The following CXorf38 variants were observed in gnomAD, a reference collection of about 807,000 sequenced individuals.
The protein encoded by CXorf38 is uncharacterized protein CXorf38.
CXorf38 carries 13 observed loss-of-function variants against 27.5 expected under a neutral mutation model. The observed-to-expected ratio is 0.47, with a 90% CI of 0.31 to 0.75. CXorf38 has a LOEUF of 0.75. Ranked by LOEUF, CXorf38 falls within the 30% of genes least tolerant of loss-of-function variation. The pLI, the probability that CXorf38 is intolerant of heterozygous loss-of-function variation, is 0.05. For missense variants in CXorf38, 240 were observed against 253.2 expected, an observed-to-expected ratio of 0.95 and a Z score of 0.35; for synonymous variants, 100 against 99.8, an observed-to-expected ratio of 1.00 and a Z score of -0.01.
chrX:40,636,890 C>G lies in CXorf38; in HGVS notation c.621+117G>C, dbSNP rs1928093540. On this transcript the variant is annotated intron_variant, in intron 4 of 6. Transcript: ENST00000327877. ...AGATTTCATATTGGCATTCTTTCCC[C>G]TGCTTACATTCTAACACTTAGGTTA... The G allele has an allele frequency of 1.0e-5, 9 of 860,292 alleles. No individual in the cohort carries two copies. In the East Asian group the frequency reaches 2.9e-4, roughly 27 times the overall value. 70.9% of individuals were successfully genotyped at this position (860,292 alleles called of 1,213,427 possible). A position where few individuals can be genotyped will look rare whatever the true frequency, so the allele number is the denominator to read the frequency against.
At chrX:40,637,653 T>C (rs1188298613) in intron 3 of CXorf38, among the ~76,000 whole-genome samples, 2 of 112,334 alleles carry the variant, frequency 1.8e-5, no homozygotes, top group Non-Finnish European at 3.8e-5. Flanking sequence ...AACTGGAAAT[T>C]TAGATTTTTA....
At chrX:40,639,362 T>G in intron 2 of CXorf38, 1 of 294,492 alleles carries the variant, frequency 3.4e-6, no homozygotes, top group South Asian at 1.1e-4. Context: ...ACATATGATA[T>G]AACAGGCTTT....
chrX:40,634,581 A>G (rs1372729141), intron 5 of CXorf38, among the ~76,000 whole-genome samples: 1 of 112,221 alleles, frequency 8.9e-6, no homozygotes, highest in Non-Finnish European at 1.9e-5. Context: ...AAGTAACTGA[A>G]ATAATGGTAT....
At chrX:40,640,958 A>AC (rs1444016443) in intron 2 of CXorf38, among the ~76,000 whole-genome samples, 1 of 108,306 alleles carries the variant, frequency 9.2e-6, no homozygotes, top group Non-Finnish European at 1.9e-5. Context: ...AAAAAAAAAA[A>AC]AGTCTATTAT....
rs984307216 is a variant in CXorf38, at chrX:40,647,209, G to A, written c.217-68C>T. On this transcript the variant is annotated intron_variant, in intron 1 of 6. Transcript: ENST00000327877. ...GTCGCGGTGGGCCCCGCATCGCGGA[G>A]GGAACAGGACACTTGCGCTCTGGGT... is the stretch of plus-strand genomic sequence containing the variant. 9 of 1,189,303 alleles carry A rather than the reference G, an allele frequency of 7.6e-6. No individual in the cohort carries two copies. The African/African-American group carries it at 8.8e-5, about 12-fold the overall frequency.
chrX:40,636,602 C>T lies in CXorf38; in HGVS notation c.732G>A (p.Met244Ile). Residue 244 changes from methionine to isoleucine, a missense_variant, in exon 5 of 7, where the codon ATG becomes ATA. Transcript: ENST00000327877. ...CTTGAAGTTTCTCCTTTAGTAACTG[C>T]ATTTCTATTTCATTGACTTGGCTCT... ...LSESQVNEIEMQLLKEKLQEI... is the reference protein window; with the variant it reads ...LSESQVNEIEIQLLKEKLQEI... 2 of 1,200,403 alleles carry T rather than the reference C, an allele frequency of 1.7e-6. No individual in the cohort carries two copies. Among genetic ancestry groups the T allele is most frequent in the Middle Eastern group, 2.3e-4 (1 of 4,353 alleles).
At chrX:40,641,602 G>A (rs1014609159) in intron 2 of CXorf38, among the ~76,000 whole-genome samples, 2 of 111,633 alleles carry the variant, frequency 1.8e-5, no homozygotes, top group Non-Finnish European at 3.8e-5. Flanking sequence ...ATGTTGCCCA[G>A]GCTGGTCTTA....
intron 5 of CXorf38, among the ~76,000 whole-genome samples, chrX:40,632,894 T>C (rs1379988621): frequency 8.9e-6 from 1 of 111,858 alleles, no homozygotes; most frequent in African/African-American, 3.3e-5. Context: ...TCTGGTCCAT[T>C]CCCTCCTTTT....
At chrX:40,640,422 A>G (rs1265258547) in intron 2 of CXorf38, 1 of 211,022 alleles carries the variant, frequency 4.7e-6, no homozygotes, top group Non-Finnish European at 8.8e-6. Flanking sequence ...AAGCAACTAC[A>G]ATGCCTCCTA....
In CXorf38 at chrX:40,627,515, T is replaced by C. The variant is rs928623368; in HGVS notation, c.*2649A>G. ...TGCTATACATTGTTAAACCTTTTGC[T>C]TTCTAGTTAATATGTCTTAGAGATC... On this transcript the variant is annotated 3_prime_UTR_variant, in exon 7 of 7. Transcript: ENST00000327877. The C allele has an allele frequency of 8.9e-6, 1 of 112,203 alleles. No individual in the cohort carries two copies. The highest frequency in any genetic ancestry group is 3.2e-5 in the African/African-American group (1 of 30,849). The allele number at this position is 112,203 out of a possible 1,213,427, so 9.2% of individuals were successfully genotyped here.
chrX:40,643,331 A>G (rs1358768331), intron 2 of CXorf38, among the ~76,000 whole-genome samples: 1 of 111,815 alleles, frequency 8.9e-6, no homozygotes, highest in African/African-American at 3.3e-5. Flanking sequence ...AGTGGTTTCC[A>G]GCATATTTAA....
At chrX:40,646,340 G>A (rs994851932) in intron 2 of CXorf38, among the ~76,000 whole-genome samples, 8 of 110,841 alleles carry the variant, frequency 7.2e-5, no homozygotes, top group African/African-American at 2.6e-4. Flanking sequence ...CCCAGGCACT[G>A]CTCCTTTCCA....
chrX:40,636,109 T>A (rs946605674), intron 5 of CXorf38, among the ~76,000 whole-genome samples: 12 of 112,747 alleles, frequency 1.1e-4, no homozygotes, highest in Admixed American at 1.0e-3. Context: ...TATCCTTTCC[T>A]GCTTTTGCAA....
chrX:40,637,761 C>T (rs1928139053), intron 3 of CXorf38, among the ~76,000 whole-genome samples: 1 of 112,107 alleles, frequency 8.9e-6, no homozygotes, highest in Non-Finnish European at 1.9e-5. Context: ...AAAAAGATGG[C>T]TCCTGGGCAA....
intron 3 of CXorf38, 44 bp from the exon 4 acceptor site, chrX:40,637,200 G>A: frequency 1.0e-6 from 1 of 962,614 alleles, no homozygotes; most frequent in Non-Finnish European, 1.4e-6. Context: ...ATCAAACAAT[G>A]GGGTAAACTG....
chrX:40,631,664 T>A (rs1490719603), intron 5 of CXorf38, among the ~76,000 whole-genome samples: 1 of 111,990 alleles, frequency 8.9e-6, no homozygotes, highest in Non-Finnish European at 1.9e-5. Flanking sequence ...TATATAAATC[T>A]AATGAAGAAA....
At position 40,647,312 on chromosome X, in the gene CXorf38, G is replaced by C. The variant is rs747394149; in HGVS notation, c.209C>G (p.Ala70Gly). The change falls in exon 1 of 7, where the codon GCC (alanine) becomes GGC (glycine). Residue 70 changes from alanine (A) to glycine (G), a missense_variant. By Grantham distance (60) the Ala-to-Gly change is moderately conservative (BLOSUM62 0). Coordinates refer to ENST00000327877, the MANE Select transcript of CXorf38 (RefSeq NM_144970.3). ...CCCGAGCCAGGTGCTCACCTGGCGG[G>C]CGCGAGGGCTGCACCGTGAGCCGCC... is the stretch of plus-strand genomic sequence containing the variant. ...CRGGSRCSPR[A>G]RQFQPQCQVC... 4 of 1,087,156 alleles carry C rather than the reference G, an allele frequency of 3.7e-6. No individual in the cohort carries two copies. In the African/African-American group the frequency reaches 5.8e-5, roughly 16 times the overall value. 89.6% of individuals were successfully genotyped at this position (1,087,156 alleles called of 1,213,427 possible).
At chrX:40,635,343 A>C (rs982169365) in intron 5 of CXorf38, among the ~76,000 whole-genome samples, 5 of 113,353 alleles carry the variant, frequency 4.4e-5, no homozygotes, top group African/African-American at 1.6e-4. Flanking sequence ...CATGCTGAAT[A>C]AAGCACCTGG....
intron 4 of CXorf38, 92 bp downstream of exon 4, chrX:40,636,915 A>G: frequency 2.2e-6 from 2 of 918,781 alleles, no homozygotes; most frequent in Non-Finnish European, 3.0e-6. Context: ...CACTTAGGTT[A>G]AATCTAATAA....
Sources: gnomAD v4.1 joint callset for allele counts (sites outside exome capture counted in the v4.1 genomes callset) on GRCh38, gnomAD v4.1.1 for gene constraint, MANE v1.5 for transcripts, NCBI Gene and HGNC (gene_info 2026-07-23, HGNC 2026-07-21) for gene names.